The following CLEC2L variants were observed in gnomAD, a reference collection of about 807,000 sequenced individuals.
CLEC2L encodes C-type lectin domain family 2 member L.
A neutral mutation model predicts 23.6 loss-of-function variants in CLEC2L; 14 were observed. That is an observed-to-expected ratio of 0.59 (90% confidence interval 0.39 to 0.93). The LOEUF (loss-of-function observed/expected upper bound fraction) is 0.93. CLEC2L is among the 40% of genes least tolerant of loss of function. The probability of loss-of-function intolerance (pLI) is 0.00; values close to 1 mark genes in which losing one functional copy is unlikely to be tolerated. For synonymous variants in CLEC2L, 114 were observed against 121.3 expected (o/e 0.94, Z 0.40); for missense variants, 264 against 282.4 (o/e 0.93, Z 0.47).
At chr7:139,531,565 A>G (rs1797582971) in intron 1 of CLEC2L, among the ~76,000 whole-genome samples, 1 of 152,228 alleles carries the variant, frequency 6.6e-6, no homozygotes. Context: ...TATGACTTCC[A>G]GAAAGAAAAC....
At chr7:139,530,111 G>C (rs533180724) in intron 1 of CLEC2L, among the ~76,000 whole-genome samples, 3 of 152,048 alleles carry the variant, frequency 2.0e-5, no homozygotes, top group Admixed American at 2.0e-4. Context: ...TTGAACCTGG[G>C]AGGCGGAGGT....
chr7:139,530,341 A>G (rs1797563771), intron 1 of CLEC2L, among the ~76,000 whole-genome samples: 1 of 152,244 alleles, frequency 6.6e-6, no homozygotes, highest in African/African-American at 2.4e-5. Context: ...TCCAGAGAGC[A>G]GAGGAGTTAC....
Position 139,540,533 on chromosome 7 carries a change from G to T in CLEC2L, c.432+46G>T. 1 of 1,552,376 alleles carries T rather than the reference G, an allele frequency of 6.4e-7. No individual in the cohort carries two copies. The highest frequency in any genetic ancestry group is 8.7e-7 in the Non-Finnish European group (1 of 1,147,870). The stretch of plus-strand genomic sequence containing the variant: ...GGGGTTGGGGGAAGGGACCCTCAGG[G>T]CCCCCAACCTTGACTCTAGGGGACA... On this transcript the variant is annotated intron_variant, in intron 3 of 4. Coordinates refer to ENST00000422142, the MANE Select transcript of CLEC2L (RefSeq NM_001080511.4). This position sits in a 1 kb window ranked among gnomAD's most constrained non-coding sequence, Gnocchi z 5.8.
At chr7:139,531,072 C>T (rs1303397148) in intron 1 of CLEC2L, among the ~76,000 whole-genome samples, 1 of 152,180 alleles carries the variant, frequency 6.6e-6, no homozygotes, top group Non-Finnish European at 1.5e-5. Flanking sequence ...GTGTCCCCCA[C>T]AGTTAATAAG....
chr7:139,542,983 G>A (rs1277529759), intron 4 of CLEC2L, among the ~76,000 whole-genome samples: 1 of 152,116 alleles, frequency 6.6e-6, no homozygotes. Context: ...ATGGGGTGGG[G>A]TGGGGAACAC....
intron 1 of CLEC2L, among the ~76,000 whole-genome samples, chr7:139,527,018 A>G (rs990237027): frequency 2.0e-5 from 3 of 152,204 alleles, no homozygotes; most frequent in African/African-American, 7.2e-5. Flanking sequence ...TTCTGACTTG[A>G]CTGAGCTGAA....
chr7:139,541,893 AAC>A, intron 3 of CLEC2L, 126 bp from the exon 4 acceptor site: 1 of 678,128 alleles, frequency 1.5e-6, no homozygotes, highest in Non-Finnish European at 2.6e-6. Flanking sequence ...TCAGCGAGAC[AAC>A]AGTCACTCTC....
At chr7:139,529,892 C>A (rs1477186414) in intron 1 of CLEC2L, among the ~76,000 whole-genome samples, 1 of 151,974 alleles carries the variant, frequency 6.6e-6, no homozygotes, top group African/African-American at 2.4e-5. Flanking sequence ...CGTGGAGAAA[C>A]CCCAACTCTA....
At position 139,540,327 on chromosome 7, in the gene CLEC2L, AG is replaced by A; in HGVS notation, c.275del (p.Gly92AlafsTer46). The A allele has an allele frequency of 6.2e-7, 1 of 1,608,836 alleles. No individual in the cohort carries two copies. Among genetic ancestry groups the A allele is most frequent in the Non-Finnish European group, 8.5e-7 (1 of 1,178,148 alleles). ...ILVVMSILASKGCIKCEAPCP... is the reference protein window; with the variant it reads ...ILVVMSILASXGCIKCEAPCP... ...GCTGGTCTCTTCCCTGCAGCTTCCAAGGGCTGCATCAAGTGCGAAGCGCCCT... is the reference window on the plus strand; with the variant it reads ...GCTGGTCTCTTCCCTGCAGCTTCCAAGGCTGCATCAAGTGCGAAGCGCCCT... On this transcript the variant is annotated frameshift_variant, in exon 3 of 5. Transcript: ENST00000422142. LOFTEE classifies it high-confidence loss of function. This position sits in a 1 kb window ranked among gnomAD's most constrained non-coding sequence, Gnocchi z 5.8.
intron 4 of CLEC2L, among the ~76,000 whole-genome samples, chr7:139,543,371 C>A (rs1319443963): frequency 2.0e-5 from 3 of 152,208 alleles, no homozygotes; most frequent in African/African-American, 7.2e-5. Context: ...CAGAGCCCTG[C>A]AGGCTGGGGT....
At chr7:139,532,495 T>C (rs1797594808) in intron 1 of CLEC2L, among the ~76,000 whole-genome samples, 1 of 152,138 alleles carries the variant, frequency 6.6e-6, no homozygotes, top group Admixed American at 6.5e-5. Context: ...AGAAGGCAAC[T>C]AGTCAGATTC....
chr7:139,536,976 CAAAAAAAAA>C (rs1159255018), intron 2 of CLEC2L, among the ~76,000 whole-genome samples: 1 of 37,312 alleles, frequency 2.7e-5, no homozygotes, highest in East Asian at 8.8e-4. Context: ...GACTCCATCT[CAAAAAAAAA>C]AAAAAAAAAA....
intron 1 of CLEC2L, among the ~76,000 whole-genome samples, chr7:139,534,722 C>A (rs910774014): frequency 1.3e-5 from 2 of 152,028 alleles, no homozygotes; most frequent in South Asian, 4.1e-4. Flanking sequence ...CATTTGGAAA[C>A]CCCCGTTGCC....
Position 139,542,471 on chromosome 7 carries a change from A to C in CLEC2L, c.533+350A>C, listed in dbSNP as rs28602461. 4.4e-3 allele frequency among the ~76,000 whole-genome samples: 673 copies of C among 152,314 alleles called. 7 individuals carry two copies. Among genetic ancestry groups the C allele is most frequent in the African/African-American group, 0.015 (640 of 41,586 alleles). ...ATCCCATTCAGCCAGAACGGGACAG[A>C]GAATGGGAGGGAGGGCCCTGGATGG... On this transcript the variant is annotated intron_variant, in intron 4 of 4. Transcript: ENST00000422142.
chr7:139,541,687 C>T (rs1023146678), intron 3 of CLEC2L, among the ~76,000 whole-genome samples: 1 of 152,224 alleles, frequency 6.6e-6, no homozygotes, highest in Non-Finnish European at 1.5e-5. Flanking sequence ...AAGCTTCCTG[C>T]AAATCAGGAA....
At chr7:139,532,953 C>T (rs376832009) in intron 1 of CLEC2L, among the ~76,000 whole-genome samples, 1 of 152,116 alleles carries the variant, frequency 6.6e-6, no homozygotes, top group South Asian at 2.1e-4. Flanking sequence ...ATGAAAGAGG[C>T]GTTTTGGTGT....
Position 139,540,236 on chromosome 7 carries a change from C to G in CLEC2L, c.266-85C>G. 1 of 1,387,562 alleles carries G rather than the reference C, an allele frequency of 7.2e-7. No individual in the cohort carries two copies. The highest frequency in any genetic ancestry group is 9.8e-7 in the Non-Finnish European group (1 of 1,022,108). 86.0% of individuals were successfully genotyped at this position (1,387,562 alleles called of 1,614,324 possible). ...GCAGTGTCCCTGCAGGACGCCAAAG[C>G]TGAGGCAGGGGAGGGAGCCACAGAA... is the stretch of plus-strand genomic sequence containing the variant. On this transcript the variant is annotated intron_variant, in intron 2 of 4. Coordinates refer to ENST00000422142, the MANE Select transcript of CLEC2L (RefSeq NM_001080511.4). The surrounding 1 kb of genome is among the most constrained non-coding windows in gnomAD (Gnocchi z 5.8).
chr7:139,540,056 G>A lies in CLEC2L; in HGVS notation c.266-265G>A. ...GAGTTTCTGGCGTTCCATGCCTCTG[G>A]GAGTTTGGAGACAGAGGAGATCCTA... is the stretch of plus-strand genomic sequence containing the variant. On this transcript the variant is annotated intron_variant, in intron 2 of 4. Transcript: ENST00000422142. The surrounding 1 kb of genome is among the most constrained non-coding windows in gnomAD (Gnocchi z 5.8). 1 of 447,312 alleles carries A rather than the reference G, an allele frequency of 2.2e-6. No homozygotes were observed. The highest frequency in any genetic ancestry group is 3.5e-5 in the Admixed American group (1 of 28,294). The allele number at this position is 447,312 out of a possible 1,614,324, so 27.7% of individuals were successfully genotyped here. A position where few individuals can be genotyped will look rare whatever the true frequency, so the allele number is the denominator to read the frequency against.
Position 139,544,529 on chromosome 7 carries a change from G to T in CLEC2L, c.*187G>T. 1 of 596,494 alleles carries T rather than the reference G, an allele frequency of 1.7e-6. No homozygotes were observed. Among genetic ancestry groups the T allele is most frequent in the South Asian group, 2.0e-5 (1 of 49,620 alleles). 37.0% of individuals were successfully genotyped at this position (596,494 alleles called of 1,614,324 possible). On this transcript the variant is annotated 3_prime_UTR_variant, in exon 5 of 5. Coordinates refer to ENST00000422142, the MANE Select transcript of CLEC2L (RefSeq NM_001080511.4). ...CCCTGGTTCCTGGCCTCCTTTGTCT[G>T]CAGGCAGGTCGTGTGGCTCAGCAGT... is the stretch of plus-strand genomic sequence containing the variant.
Sources: allele counts gnomAD v4.1 joint callset (sites outside exome capture counted in the v4.1 genomes callset), GRCh38; gene constraint gnomAD v4.1.1; non-coding constraint Gnocchi (gnomAD v3.1); transcripts MANE v1.5; gene names NCBI Gene and HGNC (gene_info 2026-07-23, HGNC 2026-07-21).